The following DTHD1 variants were observed in gnomAD, a reference collection of about 807,000 sequenced individuals.
The protein encoded by DTHD1 is death domain-containing protein 1.
Under a neutral mutation model 74.8 loss-of-function variants are expected in DTHD1, and 59 were observed. The ratio of observed to expected loss-of-function variants is 0.79; its 90% CI spans 0.64 to 0.98. DTHD1 has a LOEUF of 0.98. DTHD1 is among the 50% of genes least tolerant of loss of function. DTHD1 has a pLI of 0.00. For missense variants in DTHD1, 1,051 were observed against 1,065.4 expected, an observed-to-expected ratio of 0.99 and a Z score of 0.19; for synonymous variants, 365 against 371.1, an observed-to-expected ratio of 0.98 and a Z score of 0.19.
intron 7 of DTHD1, among the ~76,000 whole-genome samples, chr4:36,314,401 G>A (rs1757577045): frequency 1.3e-5 from 2 of 151,872 alleles, no homozygotes; most frequent in Admixed American, 6.6e-5. Flanking sequence ...GGCCAGGTGC[G>A]GTGGCTCATG....
Position 36,337,314 on chromosome 4 carries a change from T to C in DTHD1, c.2341-1798T>C, listed in dbSNP as rs1432749899. 5.9e-5 allele frequency among the ~76,000 whole-genome samples: 9 copies of C among 152,170 alleles called. No individual in the cohort carries two copies. In the South Asian group the frequency reaches 6.2e-4, roughly 11 times the overall value. On this transcript the variant is annotated intron_variant, in intron 8 of 9. Transcript: ENST00000639862. ...GAGCTACCCCAATTCACTGCTTCTA[T>C]GGTTGTGCATCAGGTGAAGTACTTG...
At chr4:36,290,117 C>G (rs73117670) in intron 2 of DTHD1, among the ~76,000 whole-genome samples, 3 of 152,050 alleles carry the variant, frequency 2.0e-5, no homozygotes, top group African/African-American at 7.2e-5. Flanking sequence ...CCAGACATAG[C>G]TCTAATTACT....
intron 1 of DTHD1, 37 bp from the exon 2 acceptor site, chr4:36,283,939 G>A: frequency 7.2e-7 from 1 of 1,398,326 alleles, no homozygotes; most frequent in Non-Finnish European, 9.6e-7. Flanking sequence ...GTTTAGTTTT[G>A]TATTTATTCT....
chr4:36,285,818 C>A (rs1173678801), intron 2 of DTHD1, among the ~76,000 whole-genome samples: 1 of 152,084 alleles, frequency 6.6e-6, no homozygotes, highest in East Asian at 1.9e-4. Context: ...ATGAGAAAAT[C>A]ACTTAAACGA....
chr4:36,305,696 C>A (rs1176954182), intron 5 of DTHD1, among the ~76,000 whole-genome samples: 2 of 152,162 alleles, frequency 1.3e-5, no homozygotes, highest in Non-Finnish European at 2.9e-5. Context: ...CAGAGTCACC[C>A]AGGCTTTGAA....
intron 5 of DTHD1, among the ~76,000 whole-genome samples, chr4:36,296,084 C>T (rs944410534): frequency 7.2e-5 from 11 of 152,012 alleles, no homozygotes; most frequent in African/African-American, 2.7e-4. Flanking sequence ...CATAAGCATC[C>T]ATTAACCAGA....
chr4:36,323,595 G>C (rs1207510417), intron 8 of DTHD1, among the ~76,000 whole-genome samples: 5 of 112,466 alleles, frequency 4.4e-5, no homozygotes, highest in Non-Finnish European at 1.2e-4. Context: ...AAAGCAGATT[G>C]AAAGAGCACA....
chr4:36,304,745 A>G (rs535802924), intron 5 of DTHD1, among the ~76,000 whole-genome samples: 1 of 152,310 alleles, frequency 6.6e-6, no homozygotes, highest in South Asian at 2.1e-4. Flanking sequence ...TCAAGAAAAG[A>G]GTTTATTGTG....
In DTHD1 at chr4:36,294,781, T is replaced by C. The variant is rs748372231; in HGVS notation, c.1399-14T>C. On this transcript the variant is annotated splice_polypyrimidine_tract_variant and intron_variant, in intron 4 of 9. Transcript: ENST00000639862. ...TTCTATTAAAACATAAGAAAAAATA[T>C]ATTTTTTGTTTAGATCCAACCAGTT... The C allele has an allele frequency of 6.7e-6, 10 of 1,496,858 alleles. No individual in the cohort carries two copies. In the South Asian group the frequency reaches 1.3e-4, roughly 20 times the overall value. 92.7% of individuals were successfully genotyped at this position (1,496,858 alleles called of 1,614,324 possible).
At chr4:36,327,852 C>T (rs1242812567) in intron 8 of DTHD1, among the ~76,000 whole-genome samples, 1 of 152,102 alleles carries the variant, frequency 6.6e-6, no homozygotes, top group Non-Finnish European at 1.5e-5. Context: ...ATGCCCCTTC[C>T]TTCTATCTGT....
chr4:36,303,181 T>A (rs1756871425), intron 5 of DTHD1, among the ~76,000 whole-genome samples: 1 of 152,214 alleles, frequency 6.6e-6, no homozygotes, highest in Non-Finnish European at 1.5e-5. Context: ...TTATGGAGTT[T>A]GATCAAGTGC....
intron 3 of DTHD1, among the ~76,000 whole-genome samples, chr4:36,292,549 TAGA>T (rs1285620188): frequency 2.0e-5 from 3 of 152,226 alleles, no homozygotes; most frequent in African/African-American, 7.2e-5. Flanking sequence ...TGTTGGTTTC[TAGA>T]AGATCTTTCT....
In DTHD1 at chr4:36,283,716, T is replaced by A. The variant is rs1755528973; in HGVS notation, c.272-260T>A. The A allele has an allele frequency of 2.0e-5, 9 of 451,746 alleles. No individual in the cohort carries two copies. The East Asian group carries it at 3.2e-4, about 16-fold the overall frequency. 28.0% of individuals were successfully genotyped at this position (451,746 alleles called of 1,614,324 possible). ...GGTTATGACATTTGTCTTTAAATAT[T>A]CGAAGTATCTTTATAAGCAAGAGGG... On this transcript the variant is annotated intron_variant, in intron 1 of 9. Transcript: ENST00000639862.
chr4:36,306,579 G>A (rs1468872078), intron 6 of DTHD1, among the ~76,000 whole-genome samples: 2 of 152,154 alleles, frequency 1.3e-5, no homozygotes, highest in Non-Finnish European at 2.9e-5. Flanking sequence ...ATAACTACAG[G>A]TTTCTGCTAA....
intron 9 of DTHD1, among the ~76,000 whole-genome samples, chr4:36,340,783 G>A (rs571330087): frequency 7.9e-5 from 12 of 152,240 alleles, no homozygotes; most frequent in African/African-American, 1.7e-4. Flanking sequence ...TGATGGTAAC[G>A]TCAGTAAGAG....
chr4:36,310,876 G>T (rs1246148388), intron 7 of DTHD1, among the ~76,000 whole-genome samples: 15 of 152,266 alleles, frequency 9.9e-5, no homozygotes, highest in African/African-American at 3.6e-4. Context: ...AGAGAGGAGG[G>T]AGAGGAAGGA....
chr4:36,296,383 G>A (rs1756397004), intron 5 of DTHD1, among the ~76,000 whole-genome samples: 1 of 151,964 alleles, frequency 6.6e-6, no homozygotes, highest in South Asian at 2.1e-4. Flanking sequence ...TCGAGAACAA[G>A]CAAGTATTAT....
At position 36,284,078 on chromosome 4, in the gene DTHD1, G is replaced by A; in HGVS notation, c.374G>A (p.Gly125Asp). Residue 125 changes from glycine to aspartate, a missense_variant, in exon 2 of 10, where the codon GGC becomes GAC. By Grantham distance (94) the Gly-to-Asp change is moderately conservative. Coordinates refer to ENST00000639862, the MANE Select transcript of DTHD1 (RefSeq NM_001170700.3). ...KEEKEICNLCGMHDECTPQQT... is the reference protein window; with the variant it reads ...KEEKEICNLCDMHDECTPQQT... ...GAAAAGGAGATTTGTAATTTATGCG[G>A]CATGCATGATGAATGTACTCCACAG... The A allele has an allele frequency of 6.5e-7, 1 of 1,537,188 alleles. No individual in the cohort carries two copies. The highest frequency in any genetic ancestry group is 8.7e-7 in the Non-Finnish European group (1 of 1,146,874).
intron 9 of DTHD1, among the ~76,000 whole-genome samples, chr4:36,342,075 T>G (rs1350401686): frequency 1.3e-5 from 2 of 152,122 alleles, no homozygotes; most frequent in Non-Finnish European, 2.9e-5. Context: ...GTTGACAAAA[T>G]TAAGAAACTG....
Sources: gnomAD v4.1 joint callset for allele counts (sites outside exome capture counted in the v4.1 genomes callset) on GRCh38, gnomAD v4.1.1 for gene constraint, MANE v1.5 for transcripts, NCBI Gene and HGNC (gene_info 2026-07-23, HGNC 2026-07-21) for gene names.